ZNF385D: variants seen among roughly 807,000 people sequenced by gnomAD.
ZNF385D encodes zinc finger protein 659.
ZNF385D carries 15 observed loss-of-function variants against 35.8 expected under a neutral mutation model. That is an observed-to-expected ratio of 0.42 (90% CI 0.28 to 0.64). ZNF385D has a LOEUF of 0.64. ZNF385D is among the 30% of genes least tolerant of loss of function. ZNF385D has a pLI of 0.23. For missense variants in ZNF385D, 474 were observed against 494.6 expected (o/e 0.96, Z 0.39); for synonymous variants, 212 against 186.8 (o/e 1.13, Z -1.10).
intron 2 of ZNF385D, among the ~76,000 whole-genome samples, chr3:22,200,042 A>G (rs1320531619): frequency 6.6e-6 from 1 of 152,160 alleles, no homozygotes; most frequent in African/African-American, 2.4e-5. Context: ...AGACTGTGTC[A>G]GCACAGAAAG....
chr3:21,590,036 T>A (rs1270655622), intron 2 of ZNF385D, among the ~76,000 whole-genome samples: 1 of 152,106 alleles, frequency 6.6e-6, no homozygotes, highest in African/African-American at 2.4e-5. Flanking sequence ...TGTGGACAAG[T>A]AGGCATGTGC....
intron 2 of ZNF385D, among the ~76,000 whole-genome samples, chr3:22,247,258 T>TC (rs1699834132): frequency 6.6e-6 from 1 of 152,102 alleles, no homozygotes; most frequent in Non-Finnish European, 1.5e-5. Context: ...GAAAAAATAA[T>TC]CATTTCTAAT....
intron 4 of ZNF385D, among the ~76,000 whole-genome samples, chr3:21,462,985 AAAAC>A (rs913663286): frequency 3.9e-4 from 59 of 152,298 alleles, no homozygotes; most frequent in African/African-American, 8.7e-4. Flanking sequence ...CTCTATCTCA[AAAAC>A]AAACAAACAA....
At chr3:21,742,171 A>T (rs962298490) in intron 1 of ZNF385D, among the ~76,000 whole-genome samples, 7 of 152,208 alleles carry the variant, frequency 4.6e-5, no homozygotes, top group African/African-American at 1.7e-4. Flanking sequence ...ATTTCATTAC[A>T]CTTCACTGTC....
intron 1 of ZNF385D, among the ~76,000 whole-genome samples, chr3:21,687,382 TG>T (rs1559519334): frequency 6.6e-6 from 1 of 152,194 alleles, no homozygotes; most frequent in Non-Finnish European, 1.5e-5. Flanking sequence ...AAAACGAATA[TG>T]TATAACTCAT....
In ZNF385D at chr3:22,148,390, C is replaced by T. The variant is rs141238976; in HGVS notation, c.325+20427G>A. ...TGGTTATAGGACAGAACTGCTTATT[C>T]ACCACCACCCAGATTCTTCTATTAA... On this transcript the variant is annotated intron_variant, in intron 3 of 5. Transcript: ENST00000494108. 2.2e-3 allele frequency among the ~76,000 whole-genome samples: 342 copies of T among 152,304 alleles called. 1 individual carries two copies. Among genetic ancestry groups the T allele is most frequent in the African/African-American group, 7.3e-3 (305 of 41,570 alleles).
chr3:21,951,674 G>T (rs1343447933), intron 3 of ZNF385D, among the ~76,000 whole-genome samples: 2 of 151,532 alleles, frequency 1.3e-5, no homozygotes, highest in Admixed American at 6.6e-5. Context: ...TCTTTAAAAA[G>T]TGAAGCTGTT....
chr3:21,902,647 A>C (rs1016853538), intron 3 of ZNF385D, among the ~76,000 whole-genome samples: 2 of 152,168 alleles, frequency 1.3e-5, no homozygotes, highest in Non-Finnish European at 2.9e-5. Flanking sequence ...TATTTTTCTT[A>C]AGTCACTATT....
chr3:21,471,305 A>T (rs879566457), intron 4 of ZNF385D, among the ~76,000 whole-genome samples: 19,800 of 103,118 alleles, frequency 0.19, 1,588 homozygotes, highest in East Asian at 0.25. Flanking sequence ...TCACACACAC[A>T]CACACACACA....
intron 3 of ZNF385D, among the ~76,000 whole-genome samples, chr3:22,117,579 T>A (rs1702877389): frequency 6.6e-6 from 1 of 151,888 alleles, no homozygotes; most frequent in South Asian, 2.1e-4. Context: ...CCACTATTTT[T>A]TTTTTACAAA....
At chr3:21,428,159 A>G (rs1701106245) in intron 5 of ZNF385D, among the ~76,000 whole-genome samples, 1 of 152,178 alleles carries the variant, frequency 6.6e-6, no homozygotes, top group African/African-American at 2.4e-5. Context: ...ATTCTTAATT[A>G]TAAAGCATTT....
At chr3:21,636,576 C>T (rs977354954) in intron 2 of ZNF385D, among the ~76,000 whole-genome samples, 2 of 151,258 alleles carry the variant, frequency 1.3e-5, no homozygotes, top group African/African-American at 4.9e-5. Context: ...AAGATGTAGC[C>T]TGGGAGGTTA....
chr3:21,580,895 A>G (rs17009071), intron 2 of ZNF385D, among the ~76,000 whole-genome samples: 4,707 of 152,098 alleles, frequency 0.031, 169 homozygotes, highest in South Asian at 0.11. Flanking sequence ...GGTCCCTTCA[A>G]TGCTTGTTAT....
intron 1 of ZNF385D, among the ~76,000 whole-genome samples, chr3:21,693,034 A>G (rs1044845411): frequency 1.3e-5 from 2 of 152,118 alleles, no homozygotes; most frequent in African/African-American, 4.8e-5. Flanking sequence ...TTTTCCAGTT[A>G]TATTTGTGGC....
At chr3:22,239,046 G>A (rs1002700909) in intron 2 of ZNF385D, among the ~76,000 whole-genome samples, 2 of 150,656 alleles carry the variant, frequency 1.3e-5, no homozygotes, top group East Asian at 2.0e-4. Context: ...TAGACAACAC[G>A]CCCAGACTAA....
intron 2 of ZNF385D, among the ~76,000 whole-genome samples, chr3:22,364,016 A>G (rs749074763): frequency 6.6e-6 from 1 of 152,034 alleles, no homozygotes; most frequent in Admixed American, 6.6e-5. Flanking sequence ...ATCATCCTTT[A>G]TGGGGTTTCT....
At chr3:21,812,607 C>T (rs2072973632) in intron 3 of ZNF385D, among the ~76,000 whole-genome samples, 1 of 152,222 alleles carries the variant, frequency 6.6e-6, no homozygotes. Context: ...GCTAGCACAG[C>T]AGTCCGAGAT....
At chr3:22,368,207 G>T (rs1052520287) in intron 2 of ZNF385D, among the ~76,000 whole-genome samples, 1 of 152,074 alleles carries the variant, frequency 6.6e-6, no homozygotes, top group Admixed American at 6.5e-5. Flanking sequence ...CGATCTAAAG[G>T]TCTCTATCCT....
chr3:22,372,476 C>T, exon 2 of ZNF385D: 1 of 985,876 alleles, frequency 1.0e-6, no homozygotes, highest in Non-Finnish European at 1.2e-6. Context: ...TTTCGGCGCC[C>T]CCAGGAGCTT....
Sources: allele counts gnomAD v4.1 joint callset (sites outside exome capture counted in the v4.1 genomes callset), GRCh38; gene constraint gnomAD v4.1.1; transcripts MANE v1.5; gene names NCBI Gene and HGNC (gene_info 2026-07-23, HGNC 2026-07-21).